CDH18: variants seen among roughly 807,000 people sequenced by gnomAD.
CDH18 encodes the protein cadherin 18, also known as cadherin-18.
A neutral mutation model predicts 67.9 loss-of-function variants in CDH18; 31 were observed. The observed-to-expected ratio is 0.46, with a 90% CI of 0.34 to 0.62. The LOEUF is 0.62. Ranked by LOEUF, CDH18 falls within the 20% of genes least tolerant of loss-of-function variation. The pLI, the probability that CDH18 is intolerant of heterozygous loss-of-function variation, is 0.01. For missense variants in CDH18, 890 were observed against 975.5 expected (o/e 0.91, Z 1.17); for synonymous variants, 362 against 347.2 (o/e 1.04, Z -0.48).
rs116281719 is a variant in CDH18, at chr5:19,942,313, T to C, written c.-257+38747A>G. On this transcript the variant is annotated intron_variant, in intron 2 of 12. Transcript: ENST00000382275. ...CATTCTTTCCTGGAATATGTTAAAT[T>C]AGCATCAAAGTGCTTAAAGTTTGGC... is the stretch of plus-strand genomic sequence containing the variant. 3.2e-3 allele frequency among the ~76,000 whole-genome samples: 485 copies of C among 152,306 alleles called. 2 individuals carry two copies. The highest frequency in any genetic ancestry group is 3.7e-3 in the Non-Finnish European group (253 of 68,026).
intron 1 of CDH18, among the ~76,000 whole-genome samples, chr5:20,574,228 T>TA: frequency 6.6e-6 from 1 of 151,864 alleles, no homozygotes; most frequent in East Asian, 1.9e-4. Context: ...CATTTTTAAT[T>TA]AAAATATAAA....
intron 2 of CDH18, chr5:19,886,089 G>T (rs1788161664): frequency 1.3e-5 from 2 of 152,082 alleles, no homozygotes; most frequent in Non-Finnish European, 2.9e-5. Flanking sequence ...AGTAAAACAA[G>T]AATAAAACTG....
chr5:19,780,148 T>A (rs1262500725), intron 3 of CDH18, among the ~76,000 whole-genome samples: 1 of 152,122 alleles, frequency 6.6e-6, no homozygotes, highest in African/African-American at 2.4e-5. Context: ...GAAGAGTGCA[T>A]AACTTCAACT....
At chr5:19,627,631 CT>C (rs1436390363) in intron 5 of CDH18, among the ~76,000 whole-genome samples, 1 of 152,076 alleles carries the variant, frequency 6.6e-6, no homozygotes, top group East Asian at 1.9e-4. Context: ...TGCTACATAT[CT>C]TTTATATCTG....
intron 5 of CDH18, among the ~76,000 whole-genome samples, chr5:19,688,254 G>C (rs1761389728): frequency 6.6e-6 from 1 of 152,130 alleles, no homozygotes; most frequent in Admixed American, 6.5e-5. Context: ...CACTTGGACT[G>C]GCTAATGCTA....
rs145970312 is a variant in CDH18, at chr5:20,299,324, G to A, written c.-579-43819C>T. 3.3e-3 allele frequency among the ~76,000 whole-genome samples: 504 copies of A among 151,420 alleles called. 5 individuals are homozygous for A. Among genetic ancestry groups the A allele is most frequent in the African/African-American group, 0.012 (487 of 41,284 alleles). On this transcript the variant is annotated intron_variant, in intron 1 of 14. Coordinates refer to the CDH18 transcript ENST00000507958. ...CAAAATAGAAATGTCAGTAATTATT[G>A]CAAGCCATTTTGATCCAAGTAACTA...
chr5:19,693,983 CACATTAT>C (rs1472544279), intron 5 of CDH18, among the ~76,000 whole-genome samples: 1 of 151,616 alleles, frequency 6.6e-6, no homozygotes, highest in Non-Finnish European at 1.5e-5. Flanking sequence ...AGTTCCATCT[CACATTAT>C]ATTTAATTCA....
At chr5:20,276,909 A>G (rs1256508222) in intron 1 of CDH18, among the ~76,000 whole-genome samples, 2 of 152,034 alleles carry the variant, frequency 1.3e-5, no homozygotes, top group African/African-American at 2.4e-5. Context: ...GGTGGTAGTG[A>G]CTGTGGGGAG....
At chr5:19,707,938 C>T (rs1164894283) in intron 5 of CDH18, among the ~76,000 whole-genome samples, 1 of 152,180 alleles carries the variant, frequency 6.6e-6, no homozygotes, top group African/African-American at 2.4e-5. Context: ...CATGGCCACA[C>T]TACGTTCAGC....
At chr5:20,090,564 A>G (rs887577329) in intron 2 of CDH18, among the ~76,000 whole-genome samples, 39 of 152,066 alleles carry the variant, frequency 2.6e-4, no homozygotes, top group African/African-American at 9.2e-4. Flanking sequence ...ACAAACAAAC[A>G]AACAAAAAAG....
chr5:20,385,292 T>C (rs1228083168), intron 1 of CDH18, among the ~76,000 whole-genome samples: 1 of 152,268 alleles, frequency 6.6e-6, no homozygotes, highest in African/African-American at 2.4e-5. Flanking sequence ...ACAAACTCTT[T>C]AGAGAGAACG....
At position 20,458,343 on chromosome 5, in the gene CDH18, T is replaced by C. The variant is rs183063886; in HGVS notation, c.-580+117119A>G. On this transcript the variant is annotated intron_variant, in intron 1 of 14. Transcript: ENST00000507958. ...TAATAAAGGATGTATTCTGGCCAGGTGCGGTGGCTCATTCCTCTAATCCAA... is the reference window on the plus strand; with the variant it reads ...TAATAAAGGATGTATTCTGGCCAGGCGCGGTGGCTCATTCCTCTAATCCAA... Among the ~76,000 whole-genome samples, 376 of 152,250 alleles carry C rather than the reference T, an allele frequency of 2.5e-3. 1 individual carries two copies. The highest frequency in any genetic ancestry group is 8.3e-3 in the African/African-American group (344 of 41,548).
At chr5:19,486,436 G>A (rs1740414626) in intron 11 of CDH18, among the ~76,000 whole-genome samples, 1 of 151,930 alleles carries the variant, frequency 6.6e-6, no homozygotes, top group Non-Finnish European at 1.5e-5. Flanking sequence ...ACGTCTTGCT[G>A]AAATTGCAAA....
intron 2 of CDH18, among the ~76,000 whole-genome samples, chr5:20,228,239 G>A (rs1447925831): frequency 1.3e-5 from 2 of 151,772 alleles, no homozygotes; most frequent in Admixed American, 1.3e-4. Flanking sequence ...CCTTCTCCTT[G>A]AACATTTATT....
intron 2 of CDH18, among the ~76,000 whole-genome samples, chr5:19,976,826 G>A (rs1347912234): frequency 2.0e-5 from 3 of 151,952 alleles, no homozygotes; most frequent in Non-Finnish European, 2.9e-5. Context: ...GAGTTATGAG[G>A]CAAAAATAAA....
intron 2 of CDH18, among the ~76,000 whole-genome samples, chr5:19,912,196 C>T (rs1037309078): frequency 6.7e-6 from 1 of 150,240 alleles, no homozygotes; most frequent in African/African-American, 2.4e-5. Context: ...AAAAAAAACA[C>T]TTAACGGCTT....
intron 1 of CDH18, among the ~76,000 whole-genome samples, chr5:20,427,364 G>T (rs185684477): frequency 6.6e-6 from 1 of 150,990 alleles, no homozygotes; most frequent in Non-Finnish European, 1.5e-5. Flanking sequence ...AGGGCTAATA[G>T]AATAAACATC....
At chr5:19,881,604 G>A (rs1414317949) in intron 2 of CDH18, among the ~76,000 whole-genome samples, 7 of 151,298 alleles carry the variant, frequency 4.6e-5, no homozygotes, top group African/African-American at 7.3e-5. Flanking sequence ...CACCTCCTGG[G>A]TTCAAGCGAT....
intron 2 of CDH18, among the ~76,000 whole-genome samples, chr5:20,222,387 A>T (rs1741298761): frequency 6.6e-6 from 1 of 152,192 alleles, no homozygotes; most frequent in Non-Finnish European, 1.5e-5. Context: ...CAGACAAGAA[A>T]AAACAGACAT....
Sources: gnomAD v4.1 joint callset for allele counts (sites outside exome capture counted in the v4.1 genomes callset) on GRCh38, gnomAD v4.1.1 for gene constraint, MANE v1.5 for transcripts, NCBI Gene and HGNC (gene_info 2026-07-23, HGNC 2026-07-21) for gene names.